The following RTCA variants were observed in gnomAD, a reference collection of about 807,000 sequenced individuals.
RTCA encodes RNA 3'-terminal phosphate cyclase.
A neutral mutation model predicts 46.1 loss-of-function variants in RTCA; 37 were observed. That is an observed-to-expected ratio of 0.80 (90% confidence interval 0.62 to 1.06). The LOEUF (loss-of-function observed/expected upper bound fraction) is 1.06, where lower values mean the gene tolerates loss of function less well. RTCA is among the 50% of genes least tolerant of loss of function. The probability of loss-of-function intolerance (pLI) is 0.00; values close to 1 mark genes in which losing one functional copy is unlikely to be tolerated. For synonymous variants in RTCA, 164 were observed against 158.3 expected (o/e 1.04, Z -0.27); for missense variants, 435 against 455.5 (o/e 0.95, Z 0.41).
rs574028306 is a variant in RTCA at position 100,292,492 on chromosome 1, G to T, written c.*988G>T. 1 of 149,860 alleles carries T rather than the reference G, an allele frequency of 6.7e-6. No homozygotes were observed. Among genetic ancestry groups the T allele is most frequent in the East Asian group, 2.0e-4 (1 of 4,980 alleles). 9.3% of individuals were successfully genotyped at this position (149,860 alleles called of 1,614,324 possible). On this transcript the variant is annotated 3_prime_UTR_variant, in exon 11 of 11. Coordinates refer to ENST00000370128, the MANE Select transcript of RTCA (RefSeq NM_003729.4). The stretch of plus-strand genomic sequence containing the variant: ...TAATTTTTGCATTTTTAGTAGAGAC[G>T]GGGTTTCACCATGTTGGCTAGGATG...
rs34035586 is a variant in RTCA, at chr1:100,291,929, CTTTTTTTTTT to C, written c.*434_*443del. On this transcript the variant is annotated 3_prime_UTR_variant, in exon 11 of 11. Coordinates refer to ENST00000370128, the MANE Select transcript of RTCA (RefSeq NM_003729.4). ...TTGTTGTGACAACAATAACATTTTCCTTTTTTTTTTTTTTTTTTGAGACAGTCTCGTTCTG... is the reference window on the plus strand; with the variant it reads ...TTGTTGTGACAACAATAACATTTTCCTTTTTTTTGAGACAGTCTCGTTCTG... The C allele has an allele frequency of 0.041, 5,412 of 133,406 alleles. 113 individuals are homozygous for C. Among genetic ancestry groups the C allele is most frequent in the Non-Finnish European group, 0.054 (3,376 of 62,262 alleles). 8.3% of individuals were successfully genotyped at this position (133,406 alleles called of 1,614,324 possible). A position where few individuals can be genotyped will look rare whatever the true frequency, so the allele number is the denominator to read the frequency against.
At chr1:100,280,040 G>C (rs1666613137) in intron 8 of RTCA, among the ~76,000 whole-genome samples, 1 of 152,192 alleles carries the variant, frequency 6.6e-6, no homozygotes, top group African/African-American at 2.4e-5. Context: ...TACAATTCAG[G>C]TCAGAATGGT....
intron 7 of RTCA, among the ~76,000 whole-genome samples, chr1:100,276,948 C>A (rs1362007453): frequency 6.6e-6 from 1 of 152,138 alleles, no homozygotes; most frequent in East Asian, 1.9e-4. Flanking sequence ...CTTTATAGTA[C>A]TGTGTGCCTG....
Position 100,291,453 on chromosome 1 carries a change from T to G in RTCA, c.1050T>G (p.Asp350Glu). The change falls in exon 11 of 11, where the codon GAT (aspartate) becomes GAG (glutamate). Residue 350 changes from aspartate to glutamate, a missense_variant. Coordinates refer to ENST00000370128, the MANE Select transcript of RTCA (RefSeq NM_003729.4). The stretch of plus-strand genomic sequence containing the variant: ...AAGATGAAGAAGACGCCGCTAAAGA[T>G]ACTTATATTATTGAATGCCAAGGAA... ...KSEDEEDAAK[D>E]TYIIECQGIG... 6.2e-7 allele frequency: 1 copy of G among 1,612,762 alleles called. No homozygotes were observed. Among genetic ancestry groups the G allele is most frequent in the Non-Finnish European group, 8.5e-7 (1 of 1,179,466 alleles).
chr1:100,266,911 C>T lies in RTCA; in HGVS notation c.146+287C>T, dbSNP rs948348536. On this transcript the variant is annotated intron_variant, in intron 2 of 10. Coordinates refer to ENST00000370128, the MANE Select transcript of RTCA (RefSeq NM_003729.4). ...ATGTTTTCTCACCTCACCGGGCATT[C>T]CAAATATCCGAACAGCACGTATGAG... The T allele has an allele frequency of 1.3e-4, 59 of 449,812 alleles. No individual in the cohort carries two copies. The South Asian group carries it at 2.1e-3, about 16-fold the overall frequency. 27.9% of individuals were successfully genotyped at this position (449,812 alleles called of 1,614,324 possible).
chr1:100,279,675 A>G (rs10783129), intron 8 of RTCA, among the ~76,000 whole-genome samples: 114,985 of 151,752 alleles, frequency 0.76, 45,892 homozygotes, highest in East Asian at 0.94. Context: ...GCTGCTCAGG[A>G]GGCTGAAGCG....
At chr1:100,290,274 T>A (rs1231139016) in intron 10 of RTCA, among the ~76,000 whole-genome samples, 2 of 152,184 alleles carry the variant, frequency 1.3e-5, no homozygotes, top group African/African-American at 4.8e-5. Context: ...TTGATTTTTT[T>A]TTTTAAGACG....
At chr1:100,286,595 C>T (rs912806469) in intron 9 of RTCA, among the ~76,000 whole-genome samples, 4 of 150,796 alleles carry the variant, frequency 2.7e-5, no homozygotes, top group African/African-American at 9.8e-5. Flanking sequence ...ATACTTTTGT[C>T]TCCTTAGTCC....
intron 8 of RTCA, chr1:100,281,340 G>A: frequency 1.9e-6 from 1 of 530,570 alleles, no homozygotes; most frequent in South Asian, 1.4e-5. Flanking sequence ...ACTAAACAGA[G>A]AGTGAGAAGA....
rs1557972237 is a variant in RTCA, at chr1:100,268,275, A to G, written c.270A>G (p.Thr90=). The G allele has an allele frequency of 1.2e-6, 2 of 1,613,512 alleles. No individual in the cohort carries two copies. The highest frequency in any genetic ancestry group is 2.2e-5 in the East Asian group (1 of 44,882). The change falls in exon 3 of 11, where the codon ACA becomes ACG. Residue 90 remains threonine, a synonymous_variant. Coordinates refer to ENST00000370128, the MANE Select transcript of RTCA (RefSeq NM_003729.4). The part of the protein sequence containing the change: ...TPEKIKGGIH[T]ADTKTAGSVC... Reference sequence around the variant, plus strand: ...AGAAGATCAAAGGTGGAATCCACACAGCAGATACCAAGACAGCAGGGTATG... The same window carrying G: ...AGAAGATCAAAGGTGGAATCCACACGGCAGATACCAAGACAGCAGGGTATG...
intron 5 of RTCA, among the ~76,000 whole-genome samples, 188 bp downstream of exon 5, chr1:100,273,640 A>G (rs1435536176): frequency 6.6e-6 from 1 of 152,214 alleles, no homozygotes; most frequent in African/African-American, 2.4e-5. Flanking sequence ...GCAGCTACAC[A>G]TCATGGTTAT....
intron 9 of RTCA, 31 bp downstream of exon 9, chr1:100,285,353 A>G: frequency 6.9e-7 from 1 of 1,457,584 alleles, no homozygotes. Context: ...AAAACCCTCT[A>G]ACCTGTTAGA....
chr1:100,275,576 A>G (rs768400204), intron 6 of RTCA, 23 bp from the exon 7 acceptor site: 62 of 1,571,006 alleles, frequency 3.9e-5, no homozygotes, highest in Non-Finnish European at 5.2e-5. Context: ...GTTTTATTCT[A>G]TTTTTCTGTC....
chr1:100,272,735 C>T (rs866038416), intron 4 of RTCA, among the ~76,000 whole-genome samples: 4 of 152,256 alleles, frequency 2.6e-5, no homozygotes, highest in African/African-American at 9.6e-5. Flanking sequence ...AAATTAATCT[C>T]TCCTCACCTA....
rs1462598811 is a variant in RTCA at position 100,281,682 on chromosome 1, TG to T, written c.800-3545del. 1.3e-4 allele frequency among the ~76,000 whole-genome samples: 20 copies of T among 152,080 alleles called. No homozygotes were observed. The East Asian group carries it at 3.9e-3, about 29-fold the overall frequency. On this transcript the variant is annotated intron_variant, in intron 8 of 10. Transcript: ENST00000370128. ...CAAGCACCTTCCTTCCCTCCCTCAG[TG>T]TATGTGGTAATTCAGGGCATCTCTC...
intron 10 of RTCA, among the ~76,000 whole-genome samples, chr1:100,289,563 CTA>C (rs971443887): frequency 9.9e-5 from 15 of 151,926 alleles, no homozygotes; most frequent in Non-Finnish European, 2.1e-4. Flanking sequence ...AGTGTTAACT[CTA>C]TTTTTTTTGT....
chr1:100,272,359 GT>G (rs1336042945), intron 4 of RTCA, among the ~76,000 whole-genome samples: 1 of 152,136 alleles, frequency 6.6e-6, no homozygotes, highest in Non-Finnish European at 1.5e-5. Context: ...GTAGGGTGAG[GT>G]GGGAGGATCT....
At chr1:100,268,813 G>A (rs1438223583) in intron 3 of RTCA, among the ~76,000 whole-genome samples, 2 of 152,110 alleles carry the variant, frequency 1.3e-5, no homozygotes, top group African/African-American at 4.8e-5. Context: ...TAGCTAAGAG[G>A]CTATGTCGAA....
chr1:100,286,560 AT>A (rs1667045618), intron 9 of RTCA, among the ~76,000 whole-genome samples: 1 of 150,162 alleles, frequency 6.7e-6, no homozygotes, highest in African/African-American at 2.4e-5. Flanking sequence ...ATGGTCTGTT[AT>A]CTTTATAGAT....
Sources: gnomAD v4.1 joint callset for allele counts (sites outside exome capture counted in the v4.1 genomes callset) on GRCh38, gnomAD v4.1.1 for gene constraint, MANE v1.5 for transcripts, NCBI Gene and HGNC (gene_info 2026-07-23, HGNC 2026-07-21) for gene names.